Variants in VWA8 observed in about 807,000 individuals in gnomAD.
VWA8 encodes the protein von Willebrand factor A domain containing 8.
A neutral mutation model predicts 241.5 loss-of-function variants in VWA8; 221 were observed. The ratio of observed to expected loss-of-function variants is 0.91; its 90% CI spans 0.82 to 1.02. The LOEUF (loss-of-function observed/expected upper bound fraction) is 1.02. VWA8 is among the 50% of genes least tolerant of loss of function. The pLI is 0.00. For synonymous variants in VWA8, 852 were observed against 827.1 expected (o/e 1.03, Z -0.52); for missense variants, 2,322 against 2,328.7 (o/e 1.00, Z 0.06).
chr13:41,616,506 A>C (rs2044620959), intron 37 of VWA8, among the ~76,000 whole-genome samples: 1 of 152,184 alleles, frequency 6.6e-6, no homozygotes, highest in African/African-American at 2.4e-5. Context: ...AGAAAAAAAA[A>C]ACATTTAAAA....
intron 21 of VWA8, among the ~76,000 whole-genome samples, chr13:41,756,008 A>G (rs1320744068): frequency 6.6e-6 from 1 of 151,858 alleles, no homozygotes; most frequent in African/African-American, 2.4e-5. Flanking sequence ...AACAAAACAT[A>G]CAAAAGAGAG....
intron 33 of VWA8, among the ~76,000 whole-genome samples, 154 bp downstream of exon 33, chr13:41,690,012 A>G (rs2045165022): frequency 6.6e-6 from 1 of 152,118 alleles, no homozygotes; most frequent in Non-Finnish European, 1.5e-5. Context: ...GAGATACTAG[A>G]TTCTTATTTA....
chr13:41,774,033 C>CA (rs1868467100), intron 20 of VWA8, among the ~76,000 whole-genome samples: 1 of 152,154 alleles, frequency 6.6e-6, no homozygotes, highest in Non-Finnish European at 1.5e-5. Context: ...AAAGACATTT[C>CA]AATTTGTCTT....
intron 42 of VWA8, among the ~76,000 whole-genome samples, chr13:41,584,368 C>T (rs575349916): frequency 1.3e-5 from 2 of 152,260 alleles, no homozygotes; most frequent in African/African-American, 4.8e-5. Flanking sequence ...GAGTAAATGG[C>T]CTCCGAGGTG....
At chr13:41,921,272 T>C (rs1876519856) in intron 2 of VWA8, among the ~76,000 whole-genome samples, 1 of 152,204 alleles carries the variant, frequency 6.6e-6, no homozygotes, top group Non-Finnish European at 1.5e-5. Context: ...AAATTAGGTA[T>C]TGATGGGATG....
At chr13:41,608,271 C>T (rs930545103) in intron 39 of VWA8, among the ~76,000 whole-genome samples, 12 of 152,012 alleles carry the variant, frequency 7.9e-5, no homozygotes, top group African/African-American at 2.4e-4. Flanking sequence ...GAAAGATCAC[C>T]TACAAGGCAA....
At position 41,764,844 on chromosome 13, in the gene VWA8, AGCCACTGAAGTAAAGGAATAATAC is replaced by A. The variant is rs578094757; in HGVS notation, c.2350-3664_2350-3641del. 2.0e-4 allele frequency among the ~76,000 whole-genome samples: 30 copies of A among 152,248 alleles called. No individual in the cohort carries two copies. The South Asian group carries it at 6.2e-3, about 32-fold the overall frequency. ...GAACTGTTTCCTCAAAGCACCAAGAAGCCACTGAAGTAAAGGAATAATACGATCAGATTTTCAGTTTTAGAAAAT... is the reference window on the plus strand; with the variant it reads ...GAACTGTTTCCTCAAAGCACCAAGAAGATCAGATTTTCAGTTTTAGAAAAT... On this transcript the variant is annotated intron_variant, in intron 20 of 44. Coordinates refer to ENST00000379310, the MANE Select transcript of VWA8 (RefSeq NM_015058.2).
At chr13:41,734,681 C>T (rs943836781) in intron 21 of VWA8, among the ~76,000 whole-genome samples, 71 of 152,182 alleles carry the variant, frequency 4.7e-4, no homozygotes, top group African/African-American at 1.7e-3. Context: ...TATTGCTGTT[C>T]CTGATTCCTA....
intron 22 of VWA8, among the ~76,000 whole-genome samples, chr13:41,731,836 T>C (rs1437483386): frequency 6.6e-6 from 1 of 152,206 alleles, no homozygotes; most frequent in Non-Finnish European, 1.5e-5. Flanking sequence ...CATTCTCTCT[T>C]GCCTGCTGCC....
At position 41,691,426 on chromosome 13, in the gene VWA8, C is replaced by A. The variant is rs756628995; in HGVS notation, c.3760G>T (p.Asp1254Tyr). Residue 1254 changes from aspartate to tyrosine, a missense_variant, in exon 32 of 45, where the codon GAT becomes TAT. Asp to Tyr is a radical substitution (Grantham distance 160). Transcript: ENST00000379310. The part of the protein sequence containing the change: ...KEKGNSLTVL[D>Y]VLEGRTHTIS... ...GTGTGAGTTCGCCCTTCTAGAACATCCAGCACAGTCAGGCTGTTCCTGGAA... is the reference window on the plus strand; with the variant it reads ...GTGTGAGTTCGCCCTTCTAGAACATACAGCACAGTCAGGCTGTTCCTGGAA... The A allele has an allele frequency of 1.2e-6, 2 of 1,612,472 alleles. No homozygotes were observed. The highest frequency in any genetic ancestry group is 1.1e-5 in the South Asian group (1 of 91,012).
intron 9 of VWA8, among the ~76,000 whole-genome samples, chr13:41,876,461 G>C (rs1413704727): frequency 1.3e-5 from 2 of 151,956 alleles, no homozygotes. Context: ...TTTTTATACT[G>C]GTTATCCCTT....
Position 41,886,015 on chromosome 13 carries a change from A to G in VWA8, c.880T>C (p.Leu294=). Residue 294 remains leucine, a synonymous_variant, in exon 8 of 45, where the codon TTG becomes CTG. Transcript: ENST00000379310. ...GAACACAGAGTTGTGGCAAAGGACA[A>G]GAGCTGAGAAACTCTAAGGGAAAAA... The part of the protein sequence containing the change: ...NVSAEKVSQL[L]SFATTLCSQE... The G allele has an allele frequency of 1.3e-6, 2 of 1,593,960 alleles. No individual in the cohort carries two copies. The highest frequency in any genetic ancestry group is 1.7e-6 in the Non-Finnish European group (2 of 1,173,870).
At chr13:41,578,287 A>C (rs1023032) in intron 42 of VWA8, among the ~76,000 whole-genome samples, 1 of 152,034 alleles carries the variant, frequency 6.6e-6, no homozygotes, top group Non-Finnish European at 1.5e-5. Flanking sequence ...TGGAGCTTAT[A>C]AAATAGTTTG....
chr13:41,865,762 T>C lies in VWA8; in HGVS notation c.1399A>G (p.Asn467Asp), dbSNP rs1477721594. Residue 467 changes from asparagine to aspartate, a missense_variant, in exon 12 of 45, where the codon AAC (asparagine) becomes GAC (aspartate). Asn to Asp is a conservative substitution (Grantham distance 23, BLOSUM62 1). Transcript: ENST00000379310. ...AKNFADTLGY[N>D]IEPIMLYQDM... ...TGATAGAGCATAATAGGTTCTATGT[T>C]GTATCCTAAGGTATCGGCAAAGTTC... 3 of 1,613,998 alleles carry C rather than the reference T, an allele frequency of 1.9e-6. No homozygotes were observed. The highest frequency in any genetic ancestry group is 2.5e-6 in the Non-Finnish European group (3 of 1,180,044).
At chr13:41,663,552 C>A (rs756747103) in intron 37 of VWA8, among the ~76,000 whole-genome samples, 2 of 152,042 alleles carry the variant, frequency 1.3e-5, no homozygotes. Flanking sequence ...CTATTTACCT[C>A]CATATTTCTA....
At chr13:41,670,867 T>G (rs1196266501) in intron 37 of VWA8, 79 bp downstream of exon 37, 1 of 1,541,938 alleles carries the variant, frequency 6.5e-7, no homozygotes, top group African/African-American at 1.4e-5. Context: ...GGCCCAGAAA[T>G]TTTCATGACT....
intron 2 of VWA8, among the ~76,000 whole-genome samples, chr13:41,929,542 T>C (rs1006237233): frequency 6.6e-6 from 1 of 151,988 alleles, no homozygotes; most frequent in Non-Finnish European, 1.5e-5. Flanking sequence ...AAAGGTATGA[T>C]ACTGGCAAAA....
In VWA8 at chr13:41,887,349, T is replaced by C; in HGVS notation, c.664A>G (p.Lys222Glu). ...ACAATTTTCCAAGAATCCAACTCTT[T>C]TTTGGTATGATCCTATAAAAGTAAG... ...YDKLLRDHTK[K>E]ELDSWKIVRV... is the part of the protein sequence containing the mutation. The change falls in exon 6 of 45, where the codon AAA (lysine) becomes GAA (glutamate). Residue 222 changes from lysine (K) to glutamate (E), a missense_variant. Coordinates refer to ENST00000379310, the MANE Select transcript of VWA8 (RefSeq NM_015058.2). The C allele has an allele frequency of 1.2e-6, 2 of 1,611,900 alleles. No individual in the cohort carries two copies. Among genetic ancestry groups the C allele is most frequent in the Non-Finnish European group, 1.7e-6 (2 of 1,179,364 alleles).
intron 22 of VWA8, among the ~76,000 whole-genome samples, chr13:41,731,809 C>T (rs2045486033): frequency 6.6e-6 from 1 of 152,104 alleles, no homozygotes; most frequent in Admixed American, 6.5e-5. Context: ...CGAGGGGAAA[C>T]CCCATTGCTT....
Sources: allele counts gnomAD v4.1 joint callset (sites outside exome capture counted in the v4.1 genomes callset), GRCh38; gene constraint gnomAD v4.1.1; transcripts MANE v1.5; gene names NCBI Gene and HGNC (gene_info 2026-07-23, HGNC 2026-07-21).